Variants in SMIM13 observed in about 807,000 individuals in gnomAD.
The protein encoded by SMIM13 is small integral membrane protein 13.
Under a neutral mutation model 5.9 loss-of-function variants are expected in SMIM13, and 3 were observed. That is an observed-to-expected ratio of 0.51 (90% CI 0.23 to 1.31). The LOEUF is 1.31. Among genes scored for constraint, SMIM13 ranks in the 40% most tolerant of loss-of-function variants. SMIM13 has a pLI of 0.18. For synonymous variants in SMIM13, 55 were observed against 46.0 expected (o/e 1.19, Z -0.79); for missense variants, 85 against 109.9 (o/e 0.77, Z 1.01).
At chr6:11,098,851 A>G (rs1470300105) in intron 1 of SMIM13, among the ~76,000 whole-genome samples, 1 of 152,154 alleles carries the variant, frequency 6.6e-6, no homozygotes, top group African/African-American at 2.4e-5. Context: ...TTTGACCACA[A>G]CCTACAATAG....
chr6:11,118,925 C>T (rs534013921), intron 1 of SMIM13, among the ~76,000 whole-genome samples: 31 of 152,078 alleles, frequency 2.0e-4, no homozygotes, highest in Non-Finnish European at 4.1e-4. Flanking sequence ...GTTAACTTGC[C>T]GAAGTCGGAA....
intron 1 of SMIM13, among the ~76,000 whole-genome samples, chr6:11,115,018 T>C (rs1475851915): frequency 6.6e-6 from 1 of 152,220 alleles, no homozygotes; most frequent in Non-Finnish European, 1.5e-5. Flanking sequence ...TTTTCTATAC[T>C]GTAGCAATTA....
intron 1 of SMIM13, chr6:11,104,963 A>G: frequency 1.9e-6 from 3 of 1,614,222 alleles, no homozygotes; most frequent in Non-Finnish European, 2.5e-6. Context: ...TTAGGTTGAT[A>G]TTAGTAAAGA....
chr6:11,097,146 T>A (rs771307805), intron 1 of SMIM13, among the ~76,000 whole-genome samples: 54 of 152,010 alleles, frequency 3.6e-4, no homozygotes, highest in Non-Finnish European at 6.6e-4. Context: ...GCCAAACGCA[T>A]TTATTTTTTT....
chr6:11,104,871 A>G, intron 1 of SMIM13: 1 of 1,614,232 alleles, frequency 6.2e-7, no homozygotes, highest in East Asian at 2.2e-5. Context: ...AGTGAAAGTA[A>G]CATTACAGAC....
intron 1 of SMIM13, among the ~76,000 whole-genome samples, chr6:11,112,393 C>G (rs9468436): frequency 0.21 from 31,921 of 151,930 alleles, 3,695 homozygotes; most frequent in African/African-American, 0.3. Flanking sequence ...CTGGAATTAA[C>G]AGGTGTGCAC....
intron 1 of SMIM13, chr6:11,104,887 T>A: frequency 1.2e-6 from 2 of 1,614,252 alleles, no homozygotes; most frequent in Non-Finnish European, 1.7e-6. Context: ...CAGACTGTAC[T>A]TGGAAGAGTG....
chr6:11,130,785 A>C (rs1267778263), intron 1 of SMIM13, among the ~76,000 whole-genome samples: 1 of 152,124 alleles, frequency 6.6e-6, no homozygotes, highest in Non-Finnish European at 1.5e-5. Flanking sequence ...TACCTTGTAG[A>C]TTTCTGTGCT....
intron 1 of SMIM13, chr6:11,103,304 C>T: frequency 5.5e-6 from 1 of 182,228 alleles, no homozygotes; most frequent in Admixed American, 5.4e-5. Context: ...GGGAGGCCAT[C>T]GTTCCCTGGC....
intron 1 of SMIM13, among the ~76,000 whole-genome samples, chr6:11,095,798 A>G (rs1432670032): frequency 1.3e-5 from 2 of 152,248 alleles, no homozygotes; most frequent in African/African-American, 4.8e-5. Flanking sequence ...GAAGAATATT[A>G]GAATATTGAA....
chr6:11,131,788 C>CT (rs1335643138), intron 1 of SMIM13, among the ~76,000 whole-genome samples: 1 of 152,182 alleles, frequency 6.6e-6, no homozygotes, highest in Non-Finnish European at 1.5e-5. Context: ...GGATTGAAGA[C>CT]TTACATCTAA....
intron 1 of SMIM13, among the ~76,000 whole-genome samples, chr6:11,105,889 C>T (rs36021520): frequency 0.19 from 28,807 of 151,980 alleles, 3,094 homozygotes; most frequent in African/African-American, 0.29. Context: ...TAGGAATGGC[C>T]TACCATATAA....
intron 1 of SMIM13, among the ~76,000 whole-genome samples, chr6:11,099,148 T>G (rs565811410): frequency 6.6e-6 from 1 of 152,208 alleles, no homozygotes; most frequent in Non-Finnish European, 1.5e-5. Context: ...CTAACTCTTA[T>G]GTCTCTCCTG....
chr6:11,102,190 A>G (rs1383821477), intron 1 of SMIM13, among the ~76,000 whole-genome samples: 1 of 152,188 alleles, frequency 6.6e-6, no homozygotes, highest in Non-Finnish European at 1.5e-5. Flanking sequence ...GCTTAATTAT[A>G]ATTATGTTTC....
intron 1 of SMIM13, chr6:11,104,298 G>A (rs1362908858): frequency 2.6e-6 from 4 of 1,551,582 alleles, no homozygotes; most frequent in Non-Finnish European, 3.5e-6. Flanking sequence ...CCCATAGATT[G>A]GTATTGGAAG....
chr6:11,113,118 T>TGTAGTA (rs1240687737), intron 1 of SMIM13, among the ~76,000 whole-genome samples: 1 of 152,142 alleles, frequency 6.6e-6, no homozygotes, highest in Non-Finnish European at 1.5e-5. Context: ...GGCGTGAGCC[T>TGTAGTA]GTAGTAGTAG....
At chr6:11,095,564 C>G (rs933373506) in intron 1 of SMIM13, among the ~76,000 whole-genome samples, 1 of 152,174 alleles carries the variant, frequency 6.6e-6, no homozygotes, top group Non-Finnish European at 1.5e-5. Flanking sequence ...GTTGGTCAGG[C>G]TGGTCTTGAA....
intron 1 of SMIM13, among the ~76,000 whole-genome samples, chr6:11,112,689 C>G (rs530848698): frequency 7.2e-5 from 11 of 152,310 alleles, no homozygotes; most frequent in Non-Finnish European, 8.8e-5. Context: ...GTAATACATT[C>G]TTTTGTATTG....
intron 1 of SMIM13, among the ~76,000 whole-genome samples, chr6:11,098,472 G>T (rs902564427): frequency 6.6e-6 from 1 of 152,166 alleles, no homozygotes; most frequent in Admixed American, 6.5e-5. Flanking sequence ...TGCTCTTGTT[G>T]CCCAGGCTGG....
Sources: allele counts gnomAD v4.1 joint callset (sites outside exome capture counted in the v4.1 genomes callset), GRCh38; gene constraint gnomAD v4.1.1; transcripts MANE v1.5; gene names NCBI Gene and HGNC (gene_info 2026-07-23, HGNC 2026-07-21).